CDHR1: variants seen among roughly 807,000 people sequenced by gnomAD.
CDHR1 encodes cadherin-related family member 1.
In CDHR1, 61 loss-of-function variants were observed where a neutral mutation model predicts 72.1. That is an observed-to-expected ratio of 0.85 (90% confidence interval 0.69 to 1.05). The LOEUF (loss-of-function observed/expected upper bound fraction) is 1.05, where lower values mean the gene tolerates loss of function less well. CDHR1 is among the 50% of genes least tolerant of loss of function. CDHR1 has a pLI of 0.00. For missense variants in CDHR1, 1,186 were observed against 1,115.7 expected, an observed-to-expected ratio of 1.06 and a Z score of -0.90; for synonymous variants, 470 against 448.1, an observed-to-expected ratio of 1.05 and a Z score of -0.62.
chr10:84,200,170 CAAA>C (rs10583938), intron 5 of CDHR1, among the ~76,000 whole-genome samples: 54,865 of 134,372 alleles, frequency 0.41, 11,482 homozygotes, highest in African/African-American at 0.61. Context: ...AGCTCCATCT[CAAA>C]AAAAAAAAAA....
Position 84,215,682 on chromosome 10 carries a change from G to A in CDHR1, c.*1061G>A. The A allele has an allele frequency of 2.0e-6, 2 of 985,426 alleles. No individual in the cohort carries two copies. The highest frequency in any genetic ancestry group is 2.4e-6 in the Non-Finnish European group (2 of 829,910). The allele number at this position is 985,426 out of a possible 1,614,324, so 61.0% of individuals were successfully genotyped here. A position where few individuals can be genotyped will look rare whatever the true frequency, so the allele number is the denominator to read the frequency against. ...GCTTTAACCAAGTGCAAAGCGGCAT[G>A]AATGCAAAGTATTTTTCTGCAGCCC... On this transcript the variant is annotated 3_prime_UTR_variant, in exon 17 of 17. Coordinates refer to ENST00000623527, the MANE Select transcript of CDHR1 (RefSeq NM_033100.4).
chr10:84,217,550 A>G lies in CDHR1; in HGVS notation c.*2929A>G, dbSNP rs1057247907. The G allele has an allele frequency of 2.0e-6, 2 of 980,998 alleles. No homozygotes were observed. Among genetic ancestry groups the G allele is most frequent in the Non-Finnish European group, 2.4e-6 (2 of 825,900 alleles). 60.8% of individuals were successfully genotyped at this position (980,998 alleles called of 1,614,324 possible). ...TCCTCATTAACACAGGGTGCAAAGTATGGTTGCAGAGAGGATGAAAAGATC... is the reference window on the plus strand; with the variant it reads ...TCCTCATTAACACAGGGTGCAAAGTGTGGTTGCAGAGAGGATGAAAAGATC... On this transcript the variant is annotated 3_prime_UTR_variant, in exon 17 of 17. Transcript: ENST00000623527.
intron 4 of CDHR1, among the ~76,000 whole-genome samples, chr10:84,198,695 C>T (rs562467706): frequency 4.6e-5 from 7 of 152,332 alleles, no homozygotes; most frequent in South Asian, 2.1e-4. Flanking sequence ...GCAGGGGCCC[C>T]GCCCTCAGTG....
Position 84,205,811 on chromosome 10 carries a change from G to T in CDHR1, c.863-16G>T. On this transcript the variant is annotated splice_polypyrimidine_tract_variant and intron_variant, in intron 9 of 16. Transcript: ENST00000623527. ...GTGGTCCTGTGCAGAACTTCAGGGT[G>T]CATCTCCCTTGACAGGGAACGATGG... 6.3e-7 allele frequency: 1 copy of T among 1,586,054 alleles called. No homozygotes were observed. The highest frequency in any genetic ancestry group is 8.7e-7 in the Non-Finnish European group (1 of 1,155,148).
In CDHR1 at chr10:84,211,658, C is replaced by T; in HGVS notation, c.1496C>T (p.Pro499Leu). 1 of 1,614,106 alleles carries T rather than the reference C, an allele frequency of 6.2e-7. No individual in the cohort carries two copies. The highest frequency in any genetic ancestry group is 8.5e-7 in the Non-Finnish European group (1 of 1,179,982). ...CTCTTTCTCTTCCAGGCTGTGGATC[C>T]AGATACAGGACCCTGGGGCGAAGTG... ...SSVVAVTAVD[P>L]DTGPWGEVKY... Residue 499 changes from proline to leucine, a missense_variant, in exon 14 of 17, where the codon CCA becomes CTA. Pro to Leu is a moderately conservative substitution (Grantham distance 98). Coordinates refer to ENST00000623527, the MANE Select transcript of CDHR1 (RefSeq NM_033100.4).
chr10:84,214,508 A>C lies in CDHR1; in HGVS notation c.2467A>C (p.Thr823Pro), dbSNP rs1842396100. The C allele has an allele frequency of 1.9e-6, 3 of 1,605,072 alleles. No homozygotes were observed. Among genetic ancestry groups the C allele is most frequent in the African/African-American group, 2.7e-5 (2 of 74,854 alleles). Residue 823 changes from threonine to proline, a missense_variant, in exon 17 of 17, where the codon ACC becomes CCC. Physicochemically the swap from Thr to Pro is conservative, Grantham distance 38. Transcript: ENST00000623527. ...CTCTGGCTCTCTCACTCCGCAGCCGACCCAACCCCCGCCAAAACCCAAAAC... is the reference window on the plus strand; with the variant it reads ...CTCTGGCTCTCTCACTCCGCAGCCGCCCCAACCCCCGCCAAAACCCAAAAC... ...TVSGSLTPQP[T>P]QPPPKPKTMG...
intron 5 of CDHR1, 101 bp downstream of exon 5, chr10:84,199,222 G>A: frequency 2.2e-6 from 2 of 892,232 alleles, no homozygotes; most frequent in South Asian, 1.4e-5. Flanking sequence ...GCCCTGTGGA[G>A]AACCTCTCTG....
downstream of CDHR1, chr10:84,219,082 A>T: frequency 9.8e-7 from 1 of 1,023,866 alleles, no homozygotes; most frequent in Non-Finnish European, 1.5e-6. Flanking sequence ...TTTATAGGTG[A>T]GAAGACTAAG....
chr10:84,198,933 T>A, intron 4 of CDHR1, 99 bp from the exon 5 acceptor site: 1 of 855,024 alleles, frequency 1.2e-6, no homozygotes. Context: ...AGAGGAGGGA[T>A]GGGCAGAGAC....
intron 14 of CDHR1, among the ~76,000 whole-genome samples, chr10:84,211,943 A>T (rs1318763079): frequency 6.6e-6 from 1 of 152,172 alleles, no homozygotes; most frequent in Non-Finnish European, 1.5e-5. Context: ...AGGCCATAGG[A>T]AGAGAGAAAG....
chr10:84,203,128 G>T lies in CDHR1; in HGVS notation c.783+5G>T. The T allele has an allele frequency of 6.2e-7, 1 of 1,614,150 alleles. No individual in the cohort carries two copies. Among genetic ancestry groups the T allele is most frequent in the Non-Finnish European group, 8.5e-7 (1 of 1,180,020 alleles). ...GTGTACGAGGACACCCTTCCGGTGG[G>T]TGGCTGTCCCCCTCAGCCAGCGATC... On this transcript the variant is annotated splice_donor_5th_base_variant and intron_variant, in intron 8 of 16. Coordinates refer to ENST00000623527, the MANE Select transcript of CDHR1 (RefSeq NM_033100.4).
In CDHR1 at chr10:84,215,746, C is replaced by T; in HGVS notation, c.*1125C>T. The T allele has an allele frequency of 1.0e-6, 1 of 985,428 alleles. No individual in the cohort carries two copies. The highest frequency in any genetic ancestry group is 1.2e-6 in the Non-Finnish European group (1 of 829,946). The allele number at this position is 985,428 out of a possible 1,614,324, so 61.0% of individuals were successfully genotyped here. ...CAGCTCTTCCAGAAAGTATTAGGAG[C>T]CTCACATCTACTCTGCCAAGCGCCC... On this transcript the variant is annotated 3_prime_UTR_variant, in exon 17 of 17. Coordinates refer to ENST00000623527, the MANE Select transcript of CDHR1 (RefSeq NM_033100.4).
In CDHR1 at chr10:84,195,599, C is replaced by G. The variant is rs770101282; in HGVS notation, c.151+10C>G. 3 of 1,608,518 alleles carry G rather than the reference C, an allele frequency of 1.9e-6. No individual in the cohort carries two copies. Among genetic ancestry groups the G allele is most frequent in the Admixed American group, 1.7e-5 (1 of 59,920 alleles). On this transcript the variant is annotated intron_variant, in intron 2 of 16. Coordinates refer to ENST00000623527, the MANE Select transcript of CDHR1 (RefSeq NM_033100.4). ...GAGGACACCCCTGTAGGTGAGTAGC[C>G]CTGGCACCTGCTCCCGATAGGTCTC...
downstream of CDHR1, chr10:84,219,457 C>T: frequency 9.8e-7 from 1 of 1,020,844 alleles, no homozygotes; most frequent in Middle Eastern, 3.3e-4. Context: ...TGTGCACCAC[C>T]AAGCTTCTTT....
chr10:84,212,275 A>G lies in CDHR1; in HGVS notation c.1650A>G (p.Ala550=), dbSNP rs766526013. Residue 550 remains alanine (A), a synonymous_variant, in exon 15 of 17, where the codon GCA becomes GCG. Coordinates refer to ENST00000623527, the MANE Select transcript of CDHR1 (RefSeq NM_033100.4). The part of the protein sequence containing the change: ...ATARYNFYVK[A]EDMEGKYSVA... Reference sequence around the variant, plus strand: ...CCAGGTACAACTTCTATGTGAAGGCAGAGGACATGGAAGGCAAGTACAGCG... The same window carrying G: ...CCAGGTACAACTTCTATGTGAAGGCGGAGGACATGGAAGGCAAGTACAGCG... 5 of 1,614,136 alleles carry G rather than the reference A, an allele frequency of 3.1e-6. No individual in the cohort carries two copies. In the Admixed American group the frequency reaches 8.3e-5, roughly 27 times the overall value.
Position 84,214,972 on chromosome 10 carries a change from T to C in CDHR1, c.*351T>C. ...CCAGACCTCACAGTCCCTCAGGTTCTACTGGGATCTCATCATCATCCTTAG... is the reference window on the plus strand; with the variant it reads ...CCAGACCTCACAGTCCCTCAGGTTCCACTGGGATCTCATCATCATCCTTAG... On this transcript the variant is annotated 3_prime_UTR_variant, in exon 17 of 17. Coordinates refer to ENST00000623527, the MANE Select transcript of CDHR1 (RefSeq NM_033100.4). 1 of 1,208,304 alleles carries C rather than the reference T, an allele frequency of 8.3e-7. No homozygotes were observed. The highest frequency in any genetic ancestry group is 1.6e-5 in the African/African-American group (1 of 64,090). 74.8% of individuals were successfully genotyped at this position (1,208,304 alleles called of 1,614,324 possible).
Position 84,216,611 on chromosome 10 carries a change from G to A in CDHR1, c.*1990G>A. On this transcript the variant is annotated 3_prime_UTR_variant, in exon 17 of 17. Coordinates refer to ENST00000623527, the MANE Select transcript of CDHR1 (RefSeq NM_033100.4). ...TCTGACACACAGTGAAGCTCAACTT[G>A]CCTCCTGGCTGCTTCAGCAGGTGGA... 27 of 985,502 alleles carry A rather than the reference G, an allele frequency of 2.7e-5. No individual in the cohort carries two copies. The highest frequency in any genetic ancestry group is 3.3e-5 in the Non-Finnish European group (27 of 829,956). The allele number at this position is 985,502 out of a possible 1,614,324, so 61.0% of individuals were successfully genotyped here. A position where few individuals can be genotyped will look rare whatever the true frequency, so the allele number is the denominator to read the frequency against.
At position 84,218,109 on chromosome 10, in the gene CDHR1, C is replaced by G; in HGVS notation, c.*3488C>G. The G allele has an allele frequency of 2.0e-6, 2 of 985,482 alleles. No individual in the cohort carries two copies. Among genetic ancestry groups the G allele is most frequent in the South Asian group, 9.4e-5 (2 of 21,290 alleles). The allele number at this position is 985,482 out of a possible 1,614,324, so 61.0% of individuals were successfully genotyped here. On this transcript the variant is annotated 3_prime_UTR_variant, in exon 17 of 17. Coordinates refer to ENST00000623527, the MANE Select transcript of CDHR1 (RefSeq NM_033100.4). ...GGCAGTGGCACATCCTGACAGTCTT[C>G]AAGGCCTTGGCCACCAAGGGATGGA...
In CDHR1 at chr10:84,210,223, G is replaced by GT. The variant is rs984549453; in HGVS notation, c.1321-770dup. On this transcript the variant is annotated intron_variant, in intron 12 of 16. Transcript: ENST00000623527. The stretch of plus-strand genomic sequence containing the variant: ...AATAGAGCCAAGACTCGTTTTTTTT[G>GT]TTTTTTTTGTTTTTGTTTTTGTTTT... Among the ~76,000 whole-genome samples, 115 of 150,692 alleles carry GT rather than the reference G, an allele frequency of 7.6e-4. 1 individual carries two copies. The highest frequency in any genetic ancestry group is 1.0e-3 in the East Asian group (5 of 5,014).
Sources: allele counts gnomAD v4.1 joint callset (sites outside exome capture counted in the v4.1 genomes callset), GRCh38; gene constraint gnomAD v4.1.1; transcripts MANE v1.5; gene names NCBI Gene and HGNC (gene_info 2026-07-23, HGNC 2026-07-21).